SPICE1: variants seen among roughly 807,000 people sequenced by gnomAD.
The protein encoded by SPICE1 is spindle and centriole associated protein 1.
SPICE1 carries 75 observed loss-of-function variants against 102.7 expected under a neutral mutation model. The ratio of observed to expected loss-of-function variants is 0.73; its 90% confidence interval spans 0.61 to 0.88. The LOEUF is 0.88. Among genes scored for constraint, SPICE1 ranks in the 40% least tolerant of loss-of-function variants. SPICE1 has a pLI of 0.00. For synonymous variants in SPICE1, 308 were observed against 350.3 expected (o/e 0.88, Z 1.35); for missense variants, 979 against 1,020.1 (o/e 0.96, Z 0.55).
Position 113,453,901 on chromosome 3 carries a change from A to C in SPICE1, c.1707T>G (p.Thr569=). The C allele has an allele frequency of 1.9e-6, 3 of 1,614,094 alleles. No individual in the cohort carries two copies. The highest frequency in any genetic ancestry group is 1.1e-5 in the South Asian group (1 of 91,082). The change falls in exon 14 of 18, where the codon ACT becomes ACG. Residue 569 remains threonine (T), a synonymous_variant. Coordinates refer to ENST00000295872, the MANE Select transcript of SPICE1 (RefSeq NM_144718.4). ...QTRPAPRLPP[T]VEIIEKEQNW... The stretch of plus-strand genomic sequence containing the variant: ...TTTGTTCCTTCTCAATTATTTCCAC[A>C]GTTGGAGGAAGTCGTGGAGCAGGAC...
chr3:113,451,906 T>G (rs545203742), intron 14 of SPICE1, among the ~76,000 whole-genome samples: 9,435 of 152,080 alleles, frequency 0.062, 914 homozygotes, highest in African/African-American at 0.21. Context: ...CACCCTAACC[T>G]TCCTCACCAA....
chr3:113,478,008 C>T (rs1215030227), intron 7 of SPICE1, among the ~76,000 whole-genome samples: 2 of 150,356 alleles, frequency 1.3e-5, no homozygotes, highest in Non-Finnish European at 3.0e-5. Context: ...ACATACCTGA[C>T]AATGACATGT....
At chr3:113,494,438 G>A (rs1397200321) in intron 4 of SPICE1, among the ~76,000 whole-genome samples, 15 of 152,038 alleles carry the variant, frequency 9.9e-5, no homozygotes, top group African/African-American at 3.6e-4. Context: ...ACGAGGTCAG[G>A]AGATCGAGAC....
chr3:113,460,046 A>G, intron 12 of SPICE1: 2 of 985,430 alleles, frequency 2.0e-6, no homozygotes, highest in Non-Finnish European at 2.4e-6. Context: ...ACAGATACTC[A>G]TCAAAGTCTT....
At chr3:113,462,910 G>A (rs952254908) in intron 11 of SPICE1, among the ~76,000 whole-genome samples, 8 of 151,964 alleles carry the variant, frequency 5.3e-5, no homozygotes, top group Admixed American at 2.0e-4. Context: ...CATGCAAGGC[G>A]CTATGTAATT....
At chr3:113,505,350 G>A (rs74452853) in intron 2 of SPICE1, among the ~76,000 whole-genome samples, 1 of 151,632 alleles carries the variant, frequency 6.6e-6, no homozygotes, top group Non-Finnish European at 1.5e-5. Context: ...CCTTACCTTA[G>A]AGTCACATCC....
At chr3:113,509,233 C>G (rs753718747) in intron 1 of SPICE1, among the ~76,000 whole-genome samples, 24 of 152,018 alleles carry the variant, frequency 1.6e-4, no homozygotes, top group Non-Finnish European at 3.4e-4. Flanking sequence ...AATTATAGCT[C>G]AATAAAGCTG....
chr3:113,514,062 A>T (rs1357097706), intron 1 of SPICE1, among the ~76,000 whole-genome samples: 1 of 152,264 alleles, frequency 6.6e-6, no homozygotes, highest in Non-Finnish European at 1.5e-5. Context: ...GAGAGCTAAA[A>T]TACGAATAAA....
rs768080196 is a variant in SPICE1 at position 113,453,686 on chromosome 3, G to A, written c.1922C>T (p.Pro641Leu). Reference protein sequence around the residue: ...SHSNTQQSRSPTFSEELPVLG... With the variant: ...SHSNTQQSRSLTFSEELPVLG... ...TACTGGGAGCTCTTCTGAGAATGTG[G>A]GGCTTCTTGACTGTTGAGTGTTGGA... The change falls in exon 14 of 18, where the codon CCC becomes CTC. Residue 641 changes from proline to leucine, a missense_variant. Pro to Leu is a moderately conservative substitution (Grantham distance 98). Coordinates refer to ENST00000295872, the MANE Select transcript of SPICE1 (RefSeq NM_144718.4). The A allele has an allele frequency of 2.5e-6, 4 of 1,614,006 alleles. No homozygotes were observed. The highest frequency in any genetic ancestry group is 1.3e-5 in the African/African-American group (1 of 74,896).
In SPICE1 at chr3:113,450,514, AG is replaced by A. The variant is rs1317056104; in HGVS notation, c.2144del (p.Thr715IlefsTer4). On this transcript the variant is annotated frameshift_variant and splice_region_variant, in exon 15 of 18. Coordinates refer to ENST00000295872, the MANE Select transcript of SPICE1 (RefSeq NM_144718.4). LOFTEE classifies it high-confidence loss of function. ...KQESASDMTS[T>X]FPVAQSLTPG... ...GTGTTAGAGACTGTGCTACTGGAAA[AG>A]TCTTTGGGAGAAAAAAAAAAAAAGT... The A allele has an allele frequency of 1.3e-6, 2 of 1,569,962 alleles. No homozygotes were observed. Among genetic ancestry groups the A allele is most frequent in the Admixed American group, 2.0e-5 (1 of 49,056 alleles).
Position 113,493,188 on chromosome 3 carries a change from G to A in SPICE1, c.492+18C>T, listed in dbSNP as rs1279752321. On this transcript the variant is annotated intron_variant, in intron 6 of 17. Coordinates refer to ENST00000295872, the MANE Select transcript of SPICE1 (RefSeq NM_144718.4). ...TCCTTTCAGCATGAGTGTTATAGCT[G>A]TGAGTGGAACACATTACCTGAGGTT... 2 of 1,531,752 alleles carry A rather than the reference G, an allele frequency of 1.3e-6. No homozygotes were observed. Among genetic ancestry groups the A allele is most frequent in the Non-Finnish European group, 1.8e-6 (2 of 1,128,450 alleles). The allele number at this position is 1,531,752 out of a possible 1,614,324, so 94.9% of individuals were successfully genotyped here. A position where few individuals can be genotyped will look rare whatever the true frequency, so the allele number is the denominator to read the frequency against.
intron 2 of SPICE1, among the ~76,000 whole-genome samples, chr3:113,503,470 G>A (rs1382477789): frequency 6.6e-6 from 1 of 151,956 alleles, no homozygotes; most frequent in Non-Finnish European, 1.5e-5. Context: ...TCACCAAGCA[G>A]TCATACACTA....
rs1282854515 is a variant in SPICE1 at position 113,493,400 on chromosome 3, A to G, written c.386-88T>C. The stretch of plus-strand genomic sequence containing the variant: ...TATACTGCCATTGGTTTGCATCATC[A>G]TATGAAAATCTTAAACAGCAGCTCA... On this transcript the variant is annotated intron_variant, in intron 5 of 17. Transcript: ENST00000295872. The G allele has an allele frequency of 4.8e-6, 5 of 1,031,276 alleles. No homozygotes were observed. In the Admixed American group the frequency reaches 9.9e-5, roughly 20 times the overall value. 63.9% of individuals were successfully genotyped at this position (1,031,276 alleles called of 1,614,324 possible).
intron 7 of SPICE1, among the ~76,000 whole-genome samples, chr3:113,485,276 G>A (rs1299360813): frequency 5.9e-5 from 9 of 151,980 alleles, no homozygotes; most frequent in Admixed American, 6.5e-5. Flanking sequence ...CAGCCAAGTG[G>A]TCTGGCTCAG....
rs557390049 is a variant in SPICE1 at position 113,489,047 on chromosome 3, T to G, written c.509A>C (p.Asp170Ala). ...ATTAACAGTTCCTTCTTCTTCACCA[T>G]CTACATCATTAAGAGCCTGTCTCAA... is the stretch of plus-strand genomic sequence containing the variant. ...VIEPQALNDV[D>A]GEEEGTVNSQ... The change falls in exon 7 of 18, where the codon GAT (aspartate) becomes GCT (alanine). Residue 170 changes from aspartate to alanine, a missense_variant. Physicochemically the swap from Asp to Ala is moderately radical, Grantham distance 126. Coordinates refer to ENST00000295872, the MANE Select transcript of SPICE1 (RefSeq NM_144718.4). 6.2e-7 allele frequency: 1 copy of G among 1,608,096 alleles called. No individual in the cohort carries two copies. The highest frequency in any genetic ancestry group is 8.5e-7 in the Non-Finnish European group (1 of 1,174,774).
intron 7 of SPICE1, among the ~76,000 whole-genome samples, chr3:113,472,763 A>G (rs990927233): frequency 6.6e-6 from 1 of 152,216 alleles, no homozygotes; most frequent in Non-Finnish European, 1.5e-5. Context: ...CAGAAAGGAC[A>G]TCCACATCAA....
At chr3:113,469,396 AT>A (rs1936142601) in intron 7 of SPICE1, among the ~76,000 whole-genome samples, 158 bp from the exon 8 acceptor site, 1 of 145,252 alleles carries the variant, frequency 6.9e-6, no homozygotes. Context: ...TTATATATAA[AT>A]ATGCATATAA....
Position 113,445,076 on chromosome 3 carries a change from A to C in SPICE1, c.*231T>G, listed in dbSNP as rs965607054. The C allele has an allele frequency of 8.3e-6, 3 of 359,734 alleles. No homozygotes were observed. Among genetic ancestry groups the C allele is most frequent in the African/African-American group, 6.3e-5 (3 of 47,716 alleles). The allele number at this position is 359,734 out of a possible 1,614,324, so 22.3% of individuals were successfully genotyped here. A position where few individuals can be genotyped will look rare whatever the true frequency, so the allele number is the denominator to read the frequency against. On this transcript the variant is annotated 3_prime_UTR_variant, in exon 18 of 18. Coordinates refer to ENST00000295872, the MANE Select transcript of SPICE1 (RefSeq NM_144718.4). ...AGAAAGTATTAAAATACAAAACTTTAACTTCTCTACAGTCAAAGTTTCATT... is the reference window on the plus strand; with the variant it reads ...AGAAAGTATTAAAATACAAAACTTTCACTTCTCTACAGTCAAAGTTTCATT...
intron 16 of SPICE1, among the ~76,000 whole-genome samples, chr3:113,447,562 T>C (rs1207681083): frequency 6.6e-6 from 1 of 152,118 alleles, no homozygotes; most frequent in African/African-American, 2.4e-5. Context: ...GTCCAGGTAG[T>C]AGAAGAGTAA....
Sources: allele counts gnomAD v4.1 joint callset (sites outside exome capture counted in the v4.1 genomes callset), GRCh38; gene constraint gnomAD v4.1.1; transcripts MANE v1.5; gene names NCBI Gene and HGNC (gene_info 2026-07-23, HGNC 2026-07-21).